Variants in MTA3 observed in about 807,000 individuals in gnomAD.
The protein encoded by MTA3 is metastasis associated 1 family member 3.
A neutral mutation model predicts 83.5 loss-of-function variants in MTA3; 34 were observed. The observed-to-expected ratio is 0.41, with a 90% CI of 0.31 to 0.54. The LOEUF (loss-of-function observed/expected upper bound fraction) is 0.54. Among genes scored for constraint, MTA3 ranks in the 20% least tolerant of loss-of-function variants. MTA3 has a pLI of 0.33. For synonymous variants in MTA3, 303 were observed against 252.7 expected, an observed-to-expected ratio of 1.20 and a Z score of -1.89; for missense variants, 761 against 726.4, an observed-to-expected ratio of 1.05 and a Z score of -0.55.
intron 6 of MTA3, among the ~76,000 whole-genome samples, chr2:42,654,671 G>A (rs755753114): frequency 2.0e-5 from 3 of 152,160 alleles, no homozygotes; most frequent in Non-Finnish European, 2.9e-5. Context: ...CTGGAATGCC[G>A]TGGTATGATT....
At chr2:42,546,177 G>A (rs1037015739) in intron 2 of MTA3, among the ~76,000 whole-genome samples, 7 of 152,084 alleles carry the variant, frequency 4.6e-5, no homozygotes, top group Admixed American at 1.3e-4. Context: ...CAATGGAGGC[G>A]CCTGGTGACT....
At chr2:42,676,921 C>G (rs556530784) in intron 8 of MTA3, among the ~76,000 whole-genome samples, 3 of 151,938 alleles carry the variant, frequency 2.0e-5, no homozygotes, top group African/African-American at 7.2e-5. Flanking sequence ...TGCTATTGAT[C>G]TTTCTTTTCA....
chr2:42,711,773 A>AGT (rs1249260462), intron 14 of MTA3, among the ~76,000 whole-genome samples: 1 of 43,178 alleles, frequency 2.3e-5, no homozygotes, highest in Non-Finnish European at 5.0e-5. Flanking sequence ...AGTGTATAGG[A>AGT]GAGAGAGAGA....
At chr2:42,675,443 C>A (rs552869399) in intron 8 of MTA3, among the ~76,000 whole-genome samples, 110 of 152,150 alleles carry the variant, frequency 7.2e-4, no homozygotes, top group South Asian at 8.3e-4. Flanking sequence ...CCTCAAAATT[C>A]TTTTTCTTAT....
upstream of MTA3, among the ~76,000 whole-genome samples, chr2:42,564,212 T>C (rs537762554): frequency 5.3e-5 from 8 of 152,136 alleles, no homozygotes; most frequent in Admixed American, 5.2e-4. Flanking sequence ...CTGTCCCCAT[T>C]ATGACTTAGT....
chr2:42,656,255 T>C lies in MTA3; in HGVS notation c.555T>C (p.Asn185=), dbSNP rs936473275. The change falls in exon 7 of 17, where the codon AAT becomes AAC. Residue 185 remains asparagine, a synonymous_variant. Coordinates refer to ENST00000405094, the MANE Select transcript of MTA3 (RefSeq NM_001330442.2). ...SKLEVKVWDP[N]SPLTDRQIDQ... ...TGGAAGTTAAAGTTTGGGATCCAAATAGCCCACTTACGGATCGACAGATTG... is the reference window on the plus strand; with the variant it reads ...TGGAAGTTAAAGTTTGGGATCCAAACAGCCCACTTACGGATCGACAGATTG... 1.9e-6 allele frequency: 3 copies of C among 1,613,744 alleles called. No homozygotes were observed. In the African/African-American group the frequency reaches 4.0e-5, roughly 22 times the overall value.
intron 3 of MTA3, among the ~76,000 whole-genome samples, chr2:42,600,695 C>T (rs962566546): frequency 2.0e-5 from 3 of 151,936 alleles, no homozygotes; most frequent in South Asian, 4.2e-4. Context: ...GATGCGCCAC[C>T]ACACCTGGCT....
Position 42,755,898 on chromosome 2 carries a change from C to T in MTA3, c.*2499C>T. 1 of 985,524 alleles carries T rather than the reference C, an allele frequency of 1.0e-6. No homozygotes were observed. Among genetic ancestry groups the T allele is most frequent in the South Asian group, 4.7e-5 (1 of 21,294 alleles). The allele number at this position is 985,524 out of a possible 1,614,324, so 61.0% of individuals were successfully genotyped here. On this transcript the variant is annotated 3_prime_UTR_variant, in exon 17 of 17. Transcript: ENST00000405094. ...CTCTGGCTCAGTCATCGCCTGCCCA[C>T]CCTTCACTTCTTAAAGGTGCGCAAG... is the stretch of plus-strand genomic sequence containing the variant.
chr2:42,616,449 G>A (rs1261115714), intron 4 of MTA3, among the ~76,000 whole-genome samples: 3 of 149,944 alleles, frequency 2.0e-5, no homozygotes, highest in Non-Finnish European at 4.4e-5. Flanking sequence ...TGTTTATTGC[G>A]GAACATTGTA....
chr2:42,538,251 A>G (rs1314591390), intron 2 of MTA3, among the ~76,000 whole-genome samples: 1 of 152,066 alleles, frequency 6.6e-6, no homozygotes, highest in Non-Finnish European at 1.5e-5. Flanking sequence ...AATAAATAAA[A>G]TAATTTTGAC....
chr2:42,628,448 G>A (rs1024747921), intron 4 of MTA3, among the ~76,000 whole-genome samples: 2 of 151,920 alleles, frequency 1.3e-5, no homozygotes, highest in Non-Finnish European at 2.9e-5. Context: ...TGGCTAGGCT[G>A]GTCTCAAACT....
rs68029790 is a variant in MTA3, at chr2:42,586,557, AACACACACAC to A, written c.190+7407_190+7416del. On this transcript the variant is annotated intron_variant, in intron 3 of 16. Transcript: ENST00000405094. ...AAAACACACACACACAAGGAAGGAA[AACACACACAC>A]ACACACACACACACACACACACACA... Among the ~76,000 whole-genome samples, 452 of 125,922 alleles carry A rather than the reference AACACACACAC, an allele frequency of 3.6e-3. 2 individuals are homozygous for A. Among genetic ancestry groups the A allele is most frequent in the African/African-American group, 4.1e-3 (137 of 33,818 alleles). 82.6% of individuals were successfully genotyped at this position (125,922 alleles called of 152,430 possible).
At chr2:42,590,153 A>G (rs1183656490) in intron 3 of MTA3, among the ~76,000 whole-genome samples, 3 of 152,152 alleles carry the variant, frequency 2.0e-5, no homozygotes, top group African/African-American at 7.2e-5. Flanking sequence ...TGGGTACACT[A>G]TAGCCCTTTT....
upstream of MTA3, among the ~76,000 whole-genome samples, chr2:42,565,452 G>T (rs138063778): frequency 1.3e-5 from 2 of 151,784 alleles, no homozygotes; most frequent in Non-Finnish European, 2.9e-5. Flanking sequence ...ACAGGCGTGA[G>T]CCACCATGCC....
intron 2 of MTA3, among the ~76,000 whole-genome samples, chr2:42,555,401 G>A (rs1417948537): frequency 1.5e-5 from 2 of 136,934 alleles, no homozygotes; most frequent in East Asian, 4.4e-4. Context: ...GTTGTGGTAA[G>A]CTGAGATTGC....
At chr2:42,509,771 AAAAAAC>A (rs564408828) in intron 2 of MTA3, among the ~76,000 whole-genome samples, 212 of 152,182 alleles carry the variant, frequency 1.4e-3, no homozygotes, top group South Asian at 2.5e-3. Context: ...ACCCTGTCGC[AAAAAAC>A]AAAAACAAAA....
chr2:42,720,485 C>T (rs929875957), intron 15 of MTA3, among the ~76,000 whole-genome samples: 32 of 151,746 alleles, frequency 2.1e-4, no homozygotes, highest in African/African-American at 6.5e-4. Context: ...CCGGCCATTT[C>T]TTGCTTTATT....
chr2:42,622,596 C>T (rs907910217), intron 4 of MTA3, among the ~76,000 whole-genome samples: 9 of 151,798 alleles, frequency 5.9e-5, no homozygotes, highest in Admixed American at 1.3e-4. Flanking sequence ...ATGTATCCAA[C>T]GTAAGTTCTT....
intron 16 of MTA3, among the ~76,000 whole-genome samples, chr2:42,742,068 C>A (rs971578631): frequency 6.6e-6 from 1 of 151,904 alleles, no homozygotes; most frequent in African/African-American, 2.4e-5. Flanking sequence ...TATATGTTTG[C>A]GAATGCATAG....
Sources: allele counts gnomAD v4.1 joint callset (sites outside exome capture counted in the v4.1 genomes callset), GRCh38; gene constraint gnomAD v4.1.1; transcripts MANE v1.5; gene names NCBI Gene and HGNC (gene_info 2026-07-23, HGNC 2026-07-21).